Variants in APTX observed in about 807,000 individuals in gnomAD.
APTX encodes forkhead-associated domain histidine triad-like protein.
A neutral mutation model predicts 42.3 loss-of-function variants in APTX; 33 were observed. The observed-to-expected ratio is 0.78, with a 90% CI of 0.59 to 1.04. APTX has a LOEUF of 1.04. APTX is among the 50% of genes least tolerant of loss of function. The pLI is 0.00. For missense variants in APTX, 421 were observed against 415.1 expected (o/e 1.01, Z -0.12); for synonymous variants, 130 against 146.7 (o/e 0.89, Z 0.82).
intron 1 of APTX, among the ~76,000 whole-genome samples, chr9:32,994,152 T>G (rs186527278): frequency 6.6e-6 from 1 of 152,186 alleles, no homozygotes; most frequent in Non-Finnish European, 1.5e-5. Context: ...TGCTGTCCAA[T>G]AGAATTTTCT....
At chr9:33,007,733 G>A (rs1052243122) in intron 1 of APTX, among the ~76,000 whole-genome samples, 1 of 151,836 alleles carries the variant, frequency 6.6e-6, no homozygotes, top group Non-Finnish European at 1.5e-5. Context: ...CTAAAGTGAG[G>A]GGATTTATGC....
At chr9:33,001,273 G>T (rs1001293572) in intron 1 of APTX, 3 of 1,437,688 alleles carry the variant, frequency 2.1e-6, no homozygotes, top group Non-Finnish European at 2.8e-6. Context: ...CCGCCTCCTT[G>T]GTTGGACAGG....
At chr9:33,008,555 T>C (rs1587639490) in intron 1 of APTX, among the ~76,000 whole-genome samples, 2 of 150,576 alleles carry the variant, frequency 1.3e-5, no homozygotes, top group Non-Finnish European at 3.0e-5. Flanking sequence ...ATTAAGATTT[T>C]TTTTTTTTTT....
chr9:33,001,332 C>G (rs532418860), intron 1 of APTX: 6 of 1,523,846 alleles, frequency 3.9e-6, no homozygotes, highest in Non-Finnish European at 5.3e-6. Context: ...AAGGTACATA[C>G]AGGTGTCGGG....
chr9:33,017,200 A>C (rs1837962926), intron 1 of APTX, among the ~76,000 whole-genome samples: 1 of 152,210 alleles, frequency 6.6e-6, no homozygotes, highest in Non-Finnish European at 1.5e-5. Flanking sequence ...TCAGTCTCAC[A>C]AGACTACCTC....
At chr9:32,981,615 A>T (rs568694501) in intron 6 of APTX, among the ~76,000 whole-genome samples, 1 of 152,336 alleles carries the variant, frequency 6.6e-6, no homozygotes, top group Admixed American at 6.5e-5. Flanking sequence ...GCCAGAAAAT[A>T]AATTGCCCAA....
chr9:33,023,398 T>C (rs923519058), intron 1 of APTX, among the ~76,000 whole-genome samples: 3 of 151,716 alleles, frequency 2.0e-5, no homozygotes, highest in African/African-American at 7.3e-5. Flanking sequence ...TAATTGTTTC[T>C]ATTTTTAGTA....
intron 1 of APTX, among the ~76,000 whole-genome samples, chr9:33,021,090 T>C (rs967140955): frequency 6.6e-5 from 10 of 150,910 alleles, no homozygotes; most frequent in Admixed American, 2.0e-4. Flanking sequence ...GATGGCTCCA[T>C]TGCACTCCAG....
intron 2 of APTX, among the ~76,000 whole-genome samples, chr9:32,988,996 A>C (rs1832886838): frequency 1.3e-5 from 2 of 152,212 alleles, no homozygotes; most frequent in Admixed American, 6.5e-5. Flanking sequence ...GGAGGAAAGA[A>C]GAACCACCAT....
chr9:33,011,146 A>G (rs1837512453), intron 1 of APTX, among the ~76,000 whole-genome samples: 1 of 152,064 alleles, frequency 6.6e-6, no homozygotes. Flanking sequence ...CCGTCTCAAA[A>G]AAAAGAAAAA....
rs1029530675 is a variant in APTX, at chr9:33,019,043, C to T, written c.-5+5980G>A. Among the ~76,000 whole-genome samples the T allele has an allele frequency of 1.6e-4, 24 of 152,182 alleles. 1 individual carries two copies. Among genetic ancestry groups the T allele is most frequent in the Admixed American group, 1.6e-3 (24 of 15,290 alleles). On this transcript the variant is annotated intron_variant, in intron 1 of 6. Transcript: ENST00000436040. ...AGAAAAGGGAAAAATTAAAGAAACC[C>T]AAATAAAGAACGAACTTTAGTTAAT...
At chr9:33,001,691 G>T, upstream of APTX, 1 of 1,549,274 alleles carries the variant, frequency 6.5e-7, no homozygotes. Context: ...CTCTCTAACG[G>T]ATTGGCTGAA....
In APTX at chr9:32,996,163, T is replaced by C. The variant is rs149636468; in HGVS notation, c.-5+5404A>G. On this transcript the variant is annotated intron_variant, in intron 1 of 7. Coordinates refer to ENST00000379817, the MANE Select transcript of APTX (RefSeq NM_001195248.2). ...TTATATGCACTAAGAAACCAAAACA[T>C]GCATATGTTCACTTTATTGCAGTTG... Among the ~76,000 whole-genome samples, 686 of 152,296 alleles carry C rather than the reference T, an allele frequency of 4.5e-3. 5 individuals are homozygous for C. The highest frequency in any genetic ancestry group is 0.015 in the African/African-American group (642 of 41,564).
At chr9:33,013,391 G>C (rs946499437) in intron 1 of APTX, among the ~76,000 whole-genome samples, 1 of 152,090 alleles carries the variant, frequency 6.6e-6, no homozygotes, top group Admixed American at 6.5e-5. Context: ...TCCTGTCCTA[G>C]ATCTGACAGT....
intron 5 of APTX, among the ~76,000 whole-genome samples, chr9:32,985,485 C>A (rs1211501081): frequency 6.6e-6 from 1 of 152,048 alleles, no homozygotes; most frequent in Non-Finnish European, 1.5e-5. Context: ...CAGGCATGCA[C>A]CACCATGCCC....
Position 32,973,594 on chromosome 9 carries a change from C to G in APTX, c.933G>C (p.Glu311Asp). Residue 311 changes from glutamate (E) to aspartate (D), a missense_variant, in exon 8 of 8, where the codon GAG (glutamate) becomes GAC (aspartate). Physicochemically the swap from Glu to Asp is conservative, Grantham distance 45. Coordinates refer to ENST00000379817, the MANE Select transcript of APTX (RefSeq NM_001195248.2). ...GRVTVRDGMP[E>D]LLKLPLRCHE... is the part of the protein sequence containing the mutation. ...GACAACGAAGGGGCAGCTTCAAGAG[C>G]TCAGGCATCCCATCTCGGACAGTTA... 6.2e-7 allele frequency: 1 copy of G among 1,613,838 alleles called. No individual in the cohort carries two copies. Among genetic ancestry groups the G allele is most frequent in the Non-Finnish European group, 8.5e-7 (1 of 1,179,972 alleles).
upstream of APTX, chr9:33,001,668 A>C (rs765714676): frequency 4.4e-6 from 7 of 1,598,534 alleles, no homozygotes; most frequent in Non-Finnish European, 6.0e-6. Flanking sequence ...GCGACCAGTG[A>C]CGTCACCAGC....
intron 1 of APTX, among the ~76,000 whole-genome samples, chr9:32,996,102 C>A (rs1373126637): frequency 6.6e-6 from 1 of 152,128 alleles, no homozygotes; most frequent in East Asian, 1.9e-4. Context: ...TGCTATTGCA[C>A]ACTTAACAGA....
upstream of APTX, among the ~76,000 whole-genome samples, chr9:33,004,532 T>C (rs942320076): frequency 1.4e-4 from 21 of 152,214 alleles, no homozygotes; most frequent in African/African-American, 5.1e-4. Context: ...TTTTAATATT[T>C]TGAGGAACTG....
Sources: allele counts gnomAD v4.1 joint callset (sites outside exome capture counted in the v4.1 genomes callset), GRCh38; gene constraint gnomAD v4.1.1; transcripts MANE v1.5; gene names NCBI Gene and HGNC (gene_info 2026-07-23, HGNC 2026-07-21).